SOHLH2: variants seen among roughly 807,000 people sequenced by gnomAD.
The protein encoded by SOHLH2 is spermatogenesis and oogenesis specific basic helix-loop-helix 2.
In SOHLH2, 22 loss-of-function variants were observed where a neutral mutation model predicts 50.4. The ratio of observed to expected loss-of-function variants is 0.44; its 90% CI spans 0.31 to 0.62. The LOEUF is 0.62. Ranked by LOEUF, SOHLH2 falls within the 20% of genes least tolerant of loss-of-function variation. The pLI is 0.08. For missense variants in SOHLH2, 412 were observed against 504.4 expected, an observed-to-expected ratio of 0.82 and a Z score of 1.76; for synonymous variants, 185 against 187.3, an observed-to-expected ratio of 0.99 and a Z score of 0.10.
intron 9 of SOHLH2, 104 bp downstream of exon 9, chr13:36,173,588 T>C (rs1887019684): frequency 7.4e-7 from 1 of 1,349,874 alleles, no homozygotes; most frequent in Non-Finnish European, 1.0e-6. Flanking sequence ...ACTCATCAGC[T>C]CTCCTGGATT....
chr13:36,206,955 A>T (rs1004101758), intron 1 of SOHLH2, among the ~76,000 whole-genome samples: 4 of 151,682 alleles, frequency 2.6e-5, no homozygotes, highest in Admixed American at 6.6e-5. Flanking sequence ...CTATATAGCA[A>T]ATACTACTAT....
intron 1 of SOHLH2, among the ~76,000 whole-genome samples, chr13:36,207,369 T>C (rs1406590817): frequency 6.6e-6 from 1 of 152,114 alleles, no homozygotes; most frequent in Non-Finnish European, 1.5e-5. Context: ...CATCCTGTTG[T>C]TCCTATAATG....
intron 2 of SOHLH2, among the ~76,000 whole-genome samples, chr13:36,199,805 G>C (rs1176921077): frequency 6.6e-6 from 1 of 152,178 alleles, no homozygotes; most frequent in Non-Finnish European, 1.5e-5. Flanking sequence ...TTGTTCAAAA[G>C]GTGGCTCTGA....
intron 8 of SOHLH2, 43 bp downstream of exon 8, chr13:36,174,433 A>C: frequency 6.2e-7 from 1 of 1,608,000 alleles, no homozygotes; most frequent in Admixed American, 1.7e-5. Flanking sequence ...CATGGGAGGA[A>C]AATAACTAGC....
At chr13:36,205,304 A>G (rs553951569) in intron 1 of SOHLH2, among the ~76,000 whole-genome samples, 1 of 152,278 alleles carries the variant, frequency 6.6e-6, no homozygotes, top group Admixed American at 6.5e-5. Flanking sequence ...ACAAAGGTGA[A>G]TAACAGGAGT....
chr13:36,175,628 AG>A (rs1447079352), intron 6 of SOHLH2, among the ~76,000 whole-genome samples: 3 of 152,316 alleles, frequency 2.0e-5, no homozygotes, highest in African/African-American at 7.2e-5. Context: ...TGACATCTAC[AG>A]GGTTGAATGG....
In SOHLH2 at chr13:36,174,516, G is replaced by A; in HGVS notation, c.841C>T (p.Pro281Ser). 6.2e-7 allele frequency: 1 copy of A among 1,614,112 alleles called. No individual in the cohort carries two copies. Among genetic ancestry groups the A allele is most frequent in the Non-Finnish European group, 8.5e-7 (1 of 1,180,028 alleles). The change falls in exon 8 of 11, where the codon CCC becomes TCC. Residue 281 changes from proline to serine, a missense_variant. By Grantham distance (74) the Pro-to-Ser change is moderately conservative (BLOSUM62 -1). Coordinates refer to ENST00000379881, the MANE Select transcript of SOHLH2 (RefSeq NM_017826.3). Reference sequence around the variant, plus strand: ...GTGCCTGGGAGAGACAGCTCAATGGGTGTTTGTTGTTTCTTACAAAACCTC... The same window carrying A: ...GTGCCTGGGAGAGACAGCTCAATGGATGTTTGTTGTTTCTTACAAAACCTC... ...NMRFCKKQQT[P>S]IELSLPGTVM...
At chr13:36,199,175 G>A (rs1436289896) in intron 2 of SOHLH2, among the ~76,000 whole-genome samples, 1 of 152,104 alleles carries the variant, frequency 6.6e-6, no homozygotes, top group Admixed American at 6.5e-5. Flanking sequence ...AAAACTATAG[G>A]TTGAAAACTG....
At chr13:36,212,617 T>C (rs891319372) in intron 1 of SOHLH2, among the ~76,000 whole-genome samples, 3 of 152,238 alleles carry the variant, frequency 2.0e-5, no homozygotes, top group Admixed American at 1.3e-4. Flanking sequence ...AGTGTTAGGC[T>C]TCGTTTGATG....
At chr13:36,210,481 A>G (rs143618424) in intron 1 of SOHLH2, among the ~76,000 whole-genome samples, 101 of 152,084 alleles carry the variant, frequency 6.6e-4, no homozygotes, top group Middle Eastern at 6.8e-3. Flanking sequence ...CTTTGTTCAA[A>G]CCAAGATCCC....
intron 1 of SOHLH2, among the ~76,000 whole-genome samples, chr13:36,206,858 AT>A (rs1316242773): frequency 1.3e-5 from 2 of 151,490 alleles, no homozygotes; most frequent in Non-Finnish European, 3.0e-5. Flanking sequence ...TGATAATGAT[AT>A]TATATAAATA....
chr13:36,194,182 T>G (rs1887655744), intron 2 of SOHLH2, among the ~76,000 whole-genome samples: 1 of 151,884 alleles, frequency 6.6e-6, no homozygotes, highest in South Asian at 2.1e-4. Context: ...AAGCAGAATC[T>G]AGAATGGGGG....
intron 1 of SOHLH2, among the ~76,000 whole-genome samples, chr13:36,213,407 C>G (rs1191489201): frequency 6.6e-6 from 1 of 152,134 alleles, no homozygotes; most frequent in Non-Finnish European, 1.5e-5. Context: ...AAAGCTTGCT[C>G]TTAAGAAGAG....
At chr13:36,173,964 C>T (rs903472454) in intron 8 of SOHLH2, among the ~76,000 whole-genome samples, 154 bp from the exon 9 acceptor site, 3 of 152,226 alleles carry the variant, frequency 2.0e-5, no homozygotes, top group South Asian at 2.1e-4. Flanking sequence ...ACATGACCCA[C>T]GATAATTCCT....
At chr13:36,184,689 A>C (rs1008158456) in intron 6 of SOHLH2, among the ~76,000 whole-genome samples, 2 of 151,852 alleles carry the variant, frequency 1.3e-5, no homozygotes, top group African/African-American at 4.8e-5. Context: ...CGATCTCCTG[A>C]CCTCGTGATC....
intron 6 of SOHLH2, chr13:36,182,329 AATTACTT>A (rs1253030082): frequency 3.1e-6 from 3 of 978,724 alleles, no homozygotes; most frequent in Admixed American, 6.1e-5. Context: ...AGTCACTGAA[AATTACTT>A]ATTTCTCCAA....
At chr13:36,207,930 T>C (rs370510137) in intron 1 of SOHLH2, among the ~76,000 whole-genome samples, 13 of 152,286 alleles carry the variant, frequency 8.5e-5, no homozygotes, top group African/African-American at 2.9e-4. Flanking sequence ...TTCACCTTGG[T>C]CGCTTGGTTA....
chr13:36,173,557 G>A (rs1470092498), intron 9 of SOHLH2, 135 bp downstream of exon 9: 2 of 1,019,638 alleles, frequency 2.0e-6, no homozygotes. Context: ...TTGTGTACCT[G>A]AGGCTGACAA....
rs147650384 is a variant in SOHLH2, at chr13:36,200,864, T to A, written c.263+1015A>T. ...AGGAGTTTGAGACCAGCCTGACCAA[T>A]ATGGTAAAACCCCACCTCTACTAAA... is the stretch of plus-strand genomic sequence containing the variant. On this transcript the variant is annotated intron_variant, in intron 2 of 10. Coordinates refer to ENST00000379881, the MANE Select transcript of SOHLH2 (RefSeq NM_017826.3). 2.8e-3 allele frequency among the ~76,000 whole-genome samples: 421 copies of A among 151,444 alleles called. 2 individuals are homozygous for A. The highest frequency in any genetic ancestry group is 9.9e-3 in the African/African-American group (408 of 41,286).
Sources: allele counts gnomAD v4.1 joint callset (sites outside exome capture counted in the v4.1 genomes callset), GRCh38; gene constraint gnomAD v4.1.1; transcripts MANE v1.5; gene names NCBI Gene and HGNC (gene_info 2026-07-23, HGNC 2026-07-21).